LIMA1: variants seen among roughly 807,000 people sequenced by gnomAD.
LIMA1 encodes LIM domain and actin-binding protein 1.
In LIMA1, 52 loss-of-function variants were observed where a neutral mutation model predicts 62.6. The observed-to-expected ratio is 0.83, with a 90% CI of 0.67 to 1.05. The LOEUF is 1.05. Among genes scored for constraint, LIMA1 ranks in the 50% least tolerant of loss-of-function variants. LIMA1 has a pLI of 0.00. For synonymous variants in LIMA1, 302 were observed against 317.8 expected, an observed-to-expected ratio of 0.95 and a Z score of 0.53; for missense variants, 780 against 902.2, an observed-to-expected ratio of 0.86 and a Z score of 1.74.
intron 1 of LIMA1, among the ~76,000 whole-genome samples, chr12:50,251,061 G>A (rs1226049549): frequency 1.3e-5 from 2 of 152,050 alleles, no homozygotes; most frequent in Non-Finnish European, 2.9e-5. Flanking sequence ...TGTCTATCTG[G>A]TATTAAACTG....
Position 50,283,461 on chromosome 12 carries a change from G to A in LIMA1, c.-65C>T, listed in dbSNP as rs1942364617. 1 of 152,352 alleles carries A rather than the reference G, an allele frequency of 6.6e-6. No homozygotes were observed. Among genetic ancestry groups the A allele is most frequent in the Non-Finnish European group, 1.5e-5 (1 of 68,174 alleles). The allele number at this position is 152,352 out of a possible 1,614,324, so 9.4% of individuals were successfully genotyped here. A position where few individuals can be genotyped will look rare whatever the true frequency, so the allele number is the denominator to read the frequency against. On this transcript the variant is annotated 5_prime_UTR_variant, in exon 1 of 11. Coordinates refer to ENST00000341247, the MANE Select transcript of LIMA1 (RefSeq NM_016357.5). ...TTTCCTCTGCGCTGCTACCAGCCCT[G>A]TCACAGGTCCCGGCGCTCTACCTAG...
chr12:50,207,038 C>T (rs1294392655), intron 4 of LIMA1, among the ~76,000 whole-genome samples: 1 of 152,074 alleles, frequency 6.6e-6, no homozygotes, highest in Non-Finnish European at 1.5e-5. Context: ...GATTCTCCTG[C>T]CTCAGCCTCC....
intron 1 of LIMA1, among the ~76,000 whole-genome samples, chr12:50,281,882 G>A (rs1366688439): frequency 6.6e-6 from 1 of 152,126 alleles, no homozygotes; most frequent in Non-Finnish European, 1.5e-5. Context: ...CTCTAGTATA[G>A]AAATGACCTC....
Position 50,195,758 on chromosome 12 carries a change from G to T in LIMA1, c.1030+72C>A. ...TTATTTTCTCAGCACTGACAGTAAT[G>T]GGAACACCCCTGAACCAAATACAGA... On this transcript the variant is annotated intron_variant, in intron 8 of 10. Coordinates refer to ENST00000341247, the MANE Select transcript of LIMA1 (RefSeq NM_016357.5). 3.5e-6 allele frequency: 5 copies of T among 1,447,328 alleles called. No homozygotes were observed. The South Asian group carries it at 6.4e-5, about 19-fold the overall frequency. 89.7% of individuals were successfully genotyped at this position (1,447,328 alleles called of 1,614,324 possible). A position where few individuals can be genotyped will look rare whatever the true frequency, so the allele number is the denominator to read the frequency against.
At chr12:50,271,862 C>T (rs1474067849) in intron 1 of LIMA1, among the ~76,000 whole-genome samples, 1 of 152,106 alleles carries the variant, frequency 6.6e-6, no homozygotes, top group Non-Finnish European at 1.5e-5. Flanking sequence ...TCAGCAAAGG[C>T]CCACCTACAT....
At chr12:50,212,023 T>C (rs1321105721) in intron 4 of LIMA1, among the ~76,000 whole-genome samples, 1 of 152,226 alleles carries the variant, frequency 6.6e-6, no homozygotes, top group Non-Finnish European at 1.5e-5. Flanking sequence ...CTTGTTAGTA[T>C]GAACATCCCT....
chr12:50,265,782 TTG>T (rs1942132058), intron 1 of LIMA1, among the ~76,000 whole-genome samples: 1 of 152,186 alleles, frequency 6.6e-6, no homozygotes, highest in African/African-American at 2.4e-5. Context: ...AAGCTGGGCT[TTG>T]TAAGGTTCTT....
intron 1 of LIMA1, among the ~76,000 whole-genome samples, chr12:50,261,730 T>C (rs148489822): frequency 3.9e-5 from 6 of 152,240 alleles, no homozygotes; most frequent in Non-Finnish European, 8.8e-5. Context: ...CGCAGTGGTG[T>C]GATCATAATT....
At chr12:50,217,795 C>A in intron 4 of LIMA1, 1 of 312,200 alleles carries the variant, frequency 3.2e-6, no homozygotes, top group Non-Finnish European at 6.5e-6. Flanking sequence ...AGTAATGTAG[C>A]TTCACATCCA....
At position 50,177,916 on chromosome 12, in the gene LIMA1, C is replaced by T. The variant is rs1212688847; in HGVS notation, c.1428G>A (p.Glu476=). Residue 476 remains glutamate, a synonymous_variant, in exon 11 of 11, where the codon GAG becomes GAA. Transcript: ENST00000341247. ...ASKNENEEIL[E]RPAQLANARE... The stretch of plus-strand genomic sequence containing the variant: ...TTGCATTTGCAAGCTGGGCTGGTCT[C>T]TCCAAAATCTCTTCGTTTTCATTTT... The T allele has an allele frequency of 6.2e-7, 1 of 1,613,962 alleles. No homozygotes were observed. Among genetic ancestry groups the T allele is most frequent in the Admixed American group, 1.7e-5 (1 of 59,970 alleles).
At chr12:50,220,471 T>A (rs1409210669) in intron 4 of LIMA1, 1 of 152,188 alleles carries the variant, frequency 6.6e-6, no homozygotes, top group Non-Finnish European at 1.5e-5. Flanking sequence ...TCTCACCATA[T>A]CCTTACACAT....
At chr12:50,236,536 G>A (rs967005507) in intron 2 of LIMA1, among the ~76,000 whole-genome samples, 2 of 151,656 alleles carry the variant, frequency 1.3e-5, no homozygotes, top group African/African-American at 2.4e-5. Context: ...CTGACCTCAG[G>A]TGTCCGCCTG....
intron 1 of LIMA1, among the ~76,000 whole-genome samples, chr12:50,276,809 A>G (rs1432393132): frequency 6.6e-6 from 1 of 152,008 alleles, no homozygotes; most frequent in Non-Finnish European, 1.5e-5. Context: ...GGAGGAGGCT[A>G]GAGTGAGCCG....
At chr12:50,276,290 T>C (rs1267629813) in intron 1 of LIMA1, among the ~76,000 whole-genome samples, 1 of 152,150 alleles carries the variant, frequency 6.6e-6, no homozygotes, top group Non-Finnish European at 1.5e-5. Flanking sequence ...AAGTGGTAAG[T>C]ACAACCTCAA....
chr12:50,231,567 G>T, intron 3 of LIMA1, 98 bp downstream of exon 3: 1 of 1,083,994 alleles, frequency 9.2e-7, no homozygotes, highest in Non-Finnish European at 1.4e-6. Context: ...TGTCCACTCA[G>T]CTGACATAGA....
At chr12:50,190,358 T>C (rs918946072) in intron 9 of LIMA1, 3 of 150,956 alleles carry the variant, frequency 2.0e-5, no homozygotes, top group African/African-American at 7.3e-5. Context: ...AAGTGTTGCT[T>C]GAATGTCATT....
At chr12:50,196,720 G>A (rs1940937743) in intron 7 of LIMA1, among the ~76,000 whole-genome samples, 1 of 152,172 alleles carries the variant, frequency 6.6e-6, no homozygotes, top group East Asian at 1.9e-4. Context: ...ATATCAGGAT[G>A]TCTGACAAAC....
At chr12:50,281,117 A>G (rs1237752946) in intron 1 of LIMA1, among the ~76,000 whole-genome samples, 1 of 152,170 alleles carries the variant, frequency 6.6e-6, no homozygotes, top group African/African-American at 2.4e-5. Flanking sequence ...TATTATGCCA[A>G]AGATGTCTAA....
chr12:50,181,375 T>G (rs946021290), intron 10 of LIMA1, among the ~76,000 whole-genome samples: 1 of 152,204 alleles, frequency 6.6e-6, no homozygotes, highest in African/African-American at 2.4e-5. Context: ...ATGATTAAAA[T>G]GAGTTAATTT....
Sources: allele counts gnomAD v4.1 joint callset (sites outside exome capture counted in the v4.1 genomes callset), GRCh38; gene constraint gnomAD v4.1.1; transcripts MANE v1.5; gene names NCBI Gene and HGNC (gene_info 2026-07-23, HGNC 2026-07-21).